Variants in ELMO1 observed in about 807,000 individuals in gnomAD.
ELMO1 encodes the protein engulfment and cell motility 1.
In ELMO1, 26 loss-of-function variants were observed where a neutral mutation model predicts 98.9. That is an observed-to-expected ratio of 0.26 (90% CI 0.19 to 0.36). The LOEUF is 0.36. Ranked by LOEUF, ELMO1 falls within the 10% of genes least tolerant of loss-of-function variation. ELMO1 has a pLI of 1.00. For synonymous variants in ELMO1, 346 were observed against 346.0 expected (o/e 1.00, Z 0.00); for missense variants, 627 against 935.2 (o/e 0.67, Z 4.30).
At chr7:36,918,956 G>A (rs1417139527) in intron 16 of ELMO1, among the ~76,000 whole-genome samples, 1 of 149,806 alleles carries the variant, frequency 6.7e-6, no homozygotes, top group African/African-American at 2.4e-5. Flanking sequence ...TAATCTATAA[G>A]AGCAAGCAAG....
intron 13 of ELMO1, among the ~76,000 whole-genome samples, chr7:37,198,167 A>G (rs1365196361): frequency 6.6e-6 from 1 of 152,190 alleles, no homozygotes; most frequent in Admixed American, 6.5e-5. Flanking sequence ...TGAGGGGTAT[A>G]AAAGTCCTGC....
At chr7:37,238,635 T>G (rs1017630649) in intron 7 of ELMO1, among the ~76,000 whole-genome samples, 2 of 152,236 alleles carry the variant, frequency 1.3e-5, no homozygotes, top group Non-Finnish European at 2.9e-5. Context: ...ATTCTCAGTC[T>G]GTAGGGTAGA....
At chr7:36,898,568 G>A (rs1584333860) in intron 16 of ELMO1, among the ~76,000 whole-genome samples, 1 of 152,202 alleles carries the variant, frequency 6.6e-6, no homozygotes, top group Admixed American at 6.5e-5. Context: ...TACAAGCACA[G>A]GAGGTTCCTA....
At chr7:37,118,507 C>T (rs1246945139) in intron 14 of ELMO1, among the ~76,000 whole-genome samples, 1 of 152,164 alleles carries the variant, frequency 6.6e-6, no homozygotes, top group East Asian at 1.9e-4. Flanking sequence ...TGCCTGCTTT[C>T]TGGGAGTTTA....
chr7:37,030,509 C>T (rs948499415), intron 15 of ELMO1, among the ~76,000 whole-genome samples: 1 of 152,016 alleles, frequency 6.6e-6, no homozygotes, highest in African/African-American at 2.4e-5. Context: ...AATAAGATAC[C>T]CAATATGACA....
intron 13 of ELMO1, among the ~76,000 whole-genome samples, chr7:37,151,272 C>T (rs780398643): frequency 2.0e-5 from 3 of 152,206 alleles, no homozygotes. Flanking sequence ...CTTTAAAAAA[C>T]CCCCATCCTT....
In ELMO1 at chr7:37,163,189, TA is replaced by T. The variant is rs1256520339; in HGVS notation, c.1087-29956del. On this transcript the variant is annotated intron_variant, in intron 13 of 21. Transcript: ENST00000310758. ...CTCTTTTCAATTAGAAGGTCATCCT[TA>T]AATCAGACCTCTGAATTTCTTACAG... Among the ~76,000 whole-genome samples the T allele has an allele frequency of 1.1e-4, 16 of 152,324 alleles. No individual in the cohort carries two copies. The East Asian group carries it at 2.7e-3, about 26-fold the overall frequency.
Position 37,314,868 on chromosome 7 carries a change from G to A in ELMO1, c.174C>T (p.Asn58=), listed in dbSNP as rs145542238. ...GACCTACCTTTTCTGTGATATAGAAGTTTGAACTATCGGCATGCTGGAGTG... is the reference window on the plus strand; with the variant it reads ...GACCTACCTTTTCTGTGATATAGAAATTTGAACTATCGGCATGCTGGAGTG... ...YFALQHADSS[N]FYITEKNRNE... is the part of the protein sequence containing the mutation. The change falls in exon 4 of 22, where the codon AAC becomes AAT. Residue 58 remains asparagine (N), a synonymous_variant. Coordinates refer to ENST00000310758, the MANE Select transcript of ELMO1 (RefSeq NM_014800.11). 1.1e-5 allele frequency: 18 copies of A among 1,613,560 alleles called. No individual in the cohort carries two copies. The highest frequency in any genetic ancestry group is 1.7e-4 in the Middle Eastern group (1 of 6,050).
intron 1 of ELMO1, among the ~76,000 whole-genome samples, chr7:37,363,537 A>G (rs1801781612): frequency 6.6e-6 from 1 of 151,670 alleles, no homozygotes; most frequent in Non-Finnish European, 1.5e-5. Flanking sequence ...TCCCCATCCC[A>G]CATCAGTGGC....
chr7:36,881,905 A>C (rs1804494245), intron 18 of ELMO1, among the ~76,000 whole-genome samples: 1 of 152,172 alleles, frequency 6.6e-6, no homozygotes. Flanking sequence ...AAATAACTTA[A>C]ACAGCCGTAG....
At chr7:36,915,966 G>T (rs972422396) in intron 16 of ELMO1, among the ~76,000 whole-genome samples, 2 of 152,212 alleles carry the variant, frequency 1.3e-5, no homozygotes, top group Admixed American at 6.5e-5. Context: ...CTTGTGAGTG[G>T]AAAGAACAGA....
Position 36,870,282 on chromosome 7 carries a change from G to A in ELMO1, c.1905+111C>T. On this transcript the variant is annotated intron_variant, in intron 20 of 21. Coordinates refer to ENST00000310758, the MANE Select transcript of ELMO1 (RefSeq NM_014800.11). The surrounding 1 kb of genome is among the most constrained non-coding windows in gnomAD (Gnocchi z 4.4). ...CAGGAGAGCTGAATAAGAGATGTGT[G>A]TCTGAACACACGCACACACACGAAC... 1 of 850,874 alleles carries A rather than the reference G, an allele frequency of 1.2e-6. No homozygotes were observed. Among genetic ancestry groups the A allele is most frequent in the Non-Finnish European group, 1.9e-6 (1 of 523,836 alleles). 52.7% of individuals were successfully genotyped at this position (850,874 alleles called of 1,614,324 possible).
At chr7:37,408,125 T>C (rs1158926406) in intron 1 of ELMO1, among the ~76,000 whole-genome samples, 1 of 152,214 alleles carries the variant, frequency 6.6e-6, no homozygotes, top group African/African-American at 2.4e-5. Context: ...ATTTGTAACC[T>C]TGTGTTCCCC....
chr7:37,319,349 G>A (rs772281777), intron 2 of ELMO1, among the ~76,000 whole-genome samples: 1 of 152,124 alleles, frequency 6.6e-6, no homozygotes, highest in Non-Finnish European at 1.5e-5. Flanking sequence ...TCACTCTTCA[G>A]ATATAAGGTG....
intron 14 of ELMO1, among the ~76,000 whole-genome samples, chr7:37,121,171 G>T (rs952726166): frequency 2.8e-4 from 43 of 152,184 alleles, no homozygotes; most frequent in African/African-American, 1.0e-3. Flanking sequence ...CACAAAGATG[G>T]GGAAAAAACA....
intron 13 of ELMO1, among the ~76,000 whole-genome samples, chr7:37,180,686 A>G (rs1391800632): frequency 6.6e-6 from 1 of 152,184 alleles, no homozygotes; most frequent in Non-Finnish European, 1.5e-5. Context: ...CATATTAGCA[A>G]ATACGTACCT....
intron 4 of ELMO1, among the ~76,000 whole-genome samples, chr7:37,275,623 A>G (rs1796791635): frequency 6.6e-6 from 1 of 152,234 alleles, no homozygotes; most frequent in African/African-American, 2.4e-5. Context: ...AACTGGCTCA[A>G]GAATGAGAGC....
chr7:37,155,787 T>C (rs753061756), intron 13 of ELMO1, among the ~76,000 whole-genome samples: 1 of 152,118 alleles, frequency 6.6e-6, no homozygotes, highest in Non-Finnish European at 1.5e-5. Context: ...TTAACACGGA[T>C]ATCCAGGAAT....
At chr7:36,894,670 C>G (rs937570634) in intron 17 of ELMO1, among the ~76,000 whole-genome samples, 184 bp downstream of exon 17, 1 of 152,232 alleles carries the variant, frequency 6.6e-6, no homozygotes, top group Admixed American at 6.5e-5. Flanking sequence ...GCCCACTCCA[C>G]TCAGCCCAGC....
Sources: gnomAD v4.1 joint callset for allele counts (sites outside exome capture counted in the v4.1 genomes callset) on GRCh38, gnomAD v4.1.1 for gene constraint, Gnocchi (gnomAD v3.1) non-coding constraint, MANE v1.5 for transcripts, NCBI Gene and HGNC (gene_info 2026-07-23, HGNC 2026-07-21) for gene names.